The following FOXP1 variants were observed in gnomAD, a reference collection of about 807,000 sequenced individuals.
FOXP1 encodes forkhead box protein P1.
A neutral mutation model predicts 98.2 loss-of-function variants in FOXP1; 15 were observed. The observed-to-expected ratio is 0.15, with a 90% CI of 0.10 to 0.24. The LOEUF is 0.24. FOXP1 is among the 10% of genes least tolerant of loss of function. The probability of loss-of-function intolerance (pLI) is 1.00; values close to 1 mark genes in which losing one functional copy is unlikely to be tolerated. For missense variants in FOXP1, 633 were observed against 848.5 expected (o/e 0.75, Z 3.15); for synonymous variants, 371 against 314.5 (o/e 1.18, Z -1.90).
chr3:71,287,651 G>T (rs1281414212), intron 5 of FOXP1, among the ~76,000 whole-genome samples: 2 of 151,700 alleles, frequency 1.3e-5, no homozygotes, highest in Non-Finnish European at 2.9e-5. Flanking sequence ...TTGGTGGCGG[G>T]AATCTGTAAT....
intron 6 of FOXP1, among the ~76,000 whole-genome samples, chr3:71,156,207 A>G (rs1576087023): frequency 1.3e-5 from 2 of 152,264 alleles, no homozygotes; most frequent in East Asian, 3.9e-4. Flanking sequence ...AGTTTTCAAG[A>G]GAAGGTGAGT....
At chr3:71,465,324 A>G (rs569323430) in intron 3 of FOXP1, among the ~76,000 whole-genome samples, 74 of 67,728 alleles carry the variant, frequency 1.1e-3, no homozygotes, top group South Asian at 3.6e-3. Flanking sequence ...AAAAAAAAAA[A>G]AAGAAGAAGA....
chr3:71,179,352 C>G (rs532006898), intron 6 of FOXP1, among the ~76,000 whole-genome samples: 2 of 152,118 alleles, frequency 1.3e-5, no homozygotes, highest in African/African-American at 4.8e-5. Flanking sequence ...AAGTGATCCA[C>G]CTGCCTCGGC....
chr3:70,981,055 C>CA (rs1280268550), intron 14 of FOXP1, among the ~76,000 whole-genome samples: 2 of 152,048 alleles, frequency 1.3e-5, no homozygotes, highest in East Asian at 3.9e-4. Context: ...ACTCATTCAG[C>CA]AAGTGCAAGC....
Position 71,064,911 on chromosome 3 carries a change from T to G in FOXP1, c.283-11138A>C, listed in dbSNP as rs549366589. On this transcript the variant is annotated intron_variant, in intron 7 of 20. Transcript: ENST00000649528. ...GGCGTGGGGTCCGGCGGCCTCGGCG[T>G]GCAGGCGGACTGCACGCGCGCAGGG... The G allele has an allele frequency of 1.4e-4, 88 of 643,962 alleles. No individual in the cohort carries two copies. The African/African-American group carries it at 1.6e-3, about 12-fold the overall frequency. The allele number at this position is 643,962 out of a possible 1,614,324, so 39.9% of individuals were successfully genotyped here. A position where few individuals can be genotyped will look rare whatever the true frequency, so the allele number is the denominator to read the frequency against.
At chr3:71,202,522 T>G (rs1050364060) in intron 5 of FOXP1, among the ~76,000 whole-genome samples, 1 of 152,186 alleles carries the variant, frequency 6.6e-6, no homozygotes, top group Admixed American at 6.5e-5. Flanking sequence ...CTGATGTGCT[T>G]TTCAAACTTG....
At chr3:71,326,213 T>C (rs2075682067) in intron 4 of FOXP1, among the ~76,000 whole-genome samples, 1 of 152,214 alleles carries the variant, frequency 6.6e-6, no homozygotes, top group South Asian at 2.1e-4. Flanking sequence ...CTATGAAATG[T>C]AATCTTTGGT....
chr3:71,149,867 C>A (rs1288243147), intron 6 of FOXP1, among the ~76,000 whole-genome samples: 1 of 152,152 alleles, frequency 6.6e-6, no homozygotes, highest in Non-Finnish European at 1.5e-5. Flanking sequence ...GATTGGAAAT[C>A]ATTTAGCAAT....
At chr3:70,972,235 TG>T in intron 18 of FOXP1, 1 of 1,428,718 alleles carries the variant, frequency 7.0e-7, no homozygotes, top group South Asian at 1.4e-5. Flanking sequence ...GAGACGGGGT[TG>T]GGGGCAGAAC....
At position 71,041,426 on chromosome 3, in the gene FOXP1, T is replaced by C; in HGVS notation, c.771A>G (p.Thr257=). Residue 257 remains threonine (T), a synonymous_variant, in exon 11 of 21, where the codon ACA becomes ACG. Transcript: ENST00000649528. The stretch of plus-strand genomic sequence containing the variant: ...TGGAAGGTGCAGAGGAGGAGACACA[T>C]GTCGTGGTCAGATCCAAACTGCTGT... ...NNHSSLDLTT[T]CVSSSAPSKT... The C allele has an allele frequency of 1.2e-6, 2 of 1,613,896 alleles. No individual in the cohort carries two copies. Among genetic ancestry groups the C allele is most frequent in the Non-Finnish European group, 1.7e-6 (2 of 1,179,836 alleles).
chr3:71,141,312 G>A (rs547319084), intron 6 of FOXP1, among the ~76,000 whole-genome samples: 1 of 148,760 alleles, frequency 6.7e-6, no homozygotes, highest in South Asian at 2.1e-4. Flanking sequence ...ACATCAGACT[G>A]TCCATGACTT....
chr3:71,561,221 T>C (rs1031431109), intron 2 of FOXP1, among the ~76,000 whole-genome samples: 2 of 151,768 alleles, frequency 1.3e-5, no homozygotes, highest in African/African-American at 4.8e-5. Flanking sequence ...CACGCCCGGC[T>C]CATTTTGTAT....
chr3:71,300,180 T>A (rs1248514700), intron 4 of FOXP1, among the ~76,000 whole-genome samples: 2 of 152,238 alleles, frequency 1.3e-5, no homozygotes, highest in Non-Finnish European at 2.9e-5. Flanking sequence ...GAATAATATG[T>A]GACTCATAGG....
At chr3:71,075,270 A>C (rs1187565159) in intron 7 of FOXP1, among the ~76,000 whole-genome samples, 1 of 152,216 alleles carries the variant, frequency 6.6e-6, no homozygotes, top group Non-Finnish European at 1.5e-5. Flanking sequence ...CTTCACCCAC[A>C]CAAGGTTTAA....
chr3:71,117,082 GATAA>G (rs2058425507), intron 6 of FOXP1, among the ~76,000 whole-genome samples: 1 of 139,428 alleles, frequency 7.2e-6, no homozygotes, highest in Admixed American at 7.1e-5. Flanking sequence ...AATCCCCAGA[GATAA>G]ATCTTTTTTT....
intron 3 of FOXP1, among the ~76,000 whole-genome samples, chr3:71,445,792 A>G (rs190624890): frequency 6.6e-6 from 1 of 150,390 alleles, no homozygotes; most frequent in African/African-American, 2.5e-5. Flanking sequence ...GGTTCAAGTG[A>G]TTCTCCTGCC....
intron 3 of FOXP1, among the ~76,000 whole-genome samples, 163 bp downstream of exon 3, chr3:71,493,263 G>A (rs2091192735): frequency 6.6e-6 from 1 of 152,150 alleles, no homozygotes. Flanking sequence ...TAAATCCTCA[G>A]ATCACCGCAG....
chr3:71,051,301 A>G (rs1576443154), intron 9 of FOXP1, among the ~76,000 whole-genome samples: 1 of 151,982 alleles, frequency 6.6e-6, no homozygotes, highest in South Asian at 2.1e-4. Context: ...TCATTAAAAC[A>G]CCTCCTCCCC....
intron 6 of FOXP1, among the ~76,000 whole-genome samples, chr3:71,139,665 C>T (rs564954738): frequency 2.2e-4 from 34 of 151,946 alleles, no homozygotes; most frequent in Non-Finnish European, 4.0e-4. Context: ...ATGGATGTCA[C>T]TGCTTTGGTT....
Sources: allele counts gnomAD v4.1 joint callset (sites outside exome capture counted in the v4.1 genomes callset), GRCh38; gene constraint gnomAD v4.1.1; transcripts MANE v1.5; gene names NCBI Gene and HGNC (gene_info 2026-07-23, HGNC 2026-07-21).